NAALAD2: variants seen among roughly 807,000 people sequenced by gnomAD.
NAALAD2 encodes the protein N-acetylated alpha-linked acidic dipeptidase 2, also known as N-acetylated-alpha-linked acidic dipeptidase 2.
In NAALAD2, 89 loss-of-function variants were observed where a neutral mutation model predicts 95.6. The ratio of observed to expected loss-of-function variants is 0.93; its 90% CI spans 0.78 to 1.11. NAALAD2 has a LOEUF of 1.11. NAALAD2 is among the 50% of genes least tolerant of loss of function. The pLI is 0.00. For synonymous variants in NAALAD2, 264 were observed against 294.4 expected, an observed-to-expected ratio of 0.90 and a Z score of 1.06; for missense variants, 894 against 872.4, an observed-to-expected ratio of 1.02 and a Z score of -0.31.
intron 16 of NAALAD2, among the ~76,000 whole-genome samples, chr11:90,178,587 C>T (rs1011951060): frequency 6.6e-6 from 1 of 151,554 alleles, no homozygotes; most frequent in Non-Finnish European, 1.5e-5. Flanking sequence ...AGGAGAATGG[C>T]GTGAACCTGG....
intron 3 of NAALAD2, among the ~76,000 whole-genome samples, chr11:90,148,124 G>A (rs528247493): frequency 3.9e-5 from 6 of 152,286 alleles, no homozygotes; most frequent in African/African-American, 1.4e-4. Flanking sequence ...CCAATGACAA[G>A]TCCTGAGCAG....
intron 2 of NAALAD2, among the ~76,000 whole-genome samples, chr11:90,139,141 A>C (rs1386496266): frequency 6.6e-6 from 1 of 152,136 alleles, no homozygotes; most frequent in Non-Finnish European, 1.5e-5. Flanking sequence ...TTTAAAAGGC[A>C]ATCCCTTCCT....
At position 90,188,518 on chromosome 11, in the gene NAALAD2, G is replaced by A. The variant is rs188664913; in HGVS notation, c.2034-3040G>A. ...CAAGATCAGTGTCAACCAATTCAAT[G>A]TTTTATGAGCACCTGTCCCATATAT... On this transcript the variant is annotated intron_variant, in intron 18 of 18. Transcript: ENST00000534061. 2.3e-3 allele frequency among the ~76,000 whole-genome samples: 355 copies of A among 152,246 alleles called. 5 individuals are homozygous for A. The South Asian group carries it at 0.025, about 11-fold the overall frequency.
At chr11:90,181,206 T>C (rs1952957556) in intron 16 of NAALAD2, among the ~76,000 whole-genome samples, 1 of 152,082 alleles carries the variant, frequency 6.6e-6, no homozygotes, top group Admixed American at 6.6e-5. Context: ...AACAAGATCT[T>C]AAATGCACTA....
rs118148271 is a variant in NAALAD2, at chr11:90,159,113, T to C, written c.891-126T>C. The stretch of plus-strand genomic sequence containing the variant: ...CCACAAAGGGCGGGCTTTTTGACAG[T>C]ACCTGGCACTTAGTAAATGACAAAT... On this transcript the variant is annotated intron_variant, in intron 7 of 18. Transcript: ENST00000534061. 4,898 of 743,682 alleles carry C rather than the reference T, an allele frequency of 6.6e-3. 57 individuals carry two copies. The highest frequency in any genetic ancestry group is 9.7e-3 in the Middle Eastern group (29 of 2,988). The allele number at this position is 743,682 out of a possible 1,614,324, so 46.1% of individuals were successfully genotyped here. A position where few individuals can be genotyped will look rare whatever the true frequency, so the allele number is the denominator to read the frequency against.
chr11:90,154,052 TC>T (rs1951960119), intron 6 of NAALAD2, among the ~76,000 whole-genome samples: 2 of 146,874 alleles, frequency 1.4e-5, no homozygotes, highest in African/African-American at 2.4e-5. Flanking sequence ...TCTCTCTCTC[TC>T]TGTCTCTCTC....
intron 6 of NAALAD2, among the ~76,000 whole-genome samples, chr11:90,154,997 ATGTG>A (rs201108584): frequency 0.16 from 10,635 of 66,016 alleles, 1,236 homozygotes; most frequent in African/African-American, 0.22. Context: ...CATAATATGT[ATGTG>A]TGTATATATT....
intron 4 of NAALAD2, 100 bp downstream of exon 4, chr11:90,149,207 C>T (rs1420601832): frequency 1.2e-5 from 7 of 584,034 alleles, no homozygotes; most frequent in Non-Finnish European, 2.1e-5. Context: ...GTGAATCATT[C>T]ATGCGGGTTC....
chr11:90,134,589 G>A, upstream of NAALAD2: 2 of 599,286 alleles, frequency 3.3e-6, no homozygotes, highest in Non-Finnish European at 5.9e-6. Flanking sequence ...CCCCCATCGA[G>A]GGCCCCTGGG....
intron 18 of NAALAD2, among the ~76,000 whole-genome samples, chr11:90,183,494 G>A (rs6483034): frequency 0.41 from 62,844 of 151,920 alleles, 13,345 homozygotes; most frequent in South Asian, 0.5. Flanking sequence ...AGTTTGTTCT[G>A]TTAAAGTCAA....
chr11:90,166,889 C>G (rs1027594313), intron 11 of NAALAD2, among the ~76,000 whole-genome samples: 3 of 151,696 alleles, frequency 2.0e-5, no homozygotes, highest in African/African-American at 7.3e-5. Context: ...GTGGCTCATG[C>G]CTGTAATCTC....
chr11:90,168,185 T>G (rs999125468), intron 11 of NAALAD2, among the ~76,000 whole-genome samples: 1 of 152,122 alleles, frequency 6.6e-6, no homozygotes. Flanking sequence ...CGTGAAGGTC[T>G]GCAGCTTCAC....
chr11:90,177,422 T>G (rs1310483858), intron 15 of NAALAD2, among the ~76,000 whole-genome samples: 4 of 151,762 alleles, frequency 2.6e-5, no homozygotes, highest in Non-Finnish European at 5.9e-5. Context: ...GGAGAAAATG[T>G]TCAAGGTGTA....
chr11:90,186,391 G>C (rs1203518226), intron 18 of NAALAD2, among the ~76,000 whole-genome samples: 2 of 152,082 alleles, frequency 1.3e-5, no homozygotes, highest in Non-Finnish European at 2.9e-5. Flanking sequence ...GTATTCCATG[G>C]TGTATATGTG....
At chr11:90,133,398 G>C (rs1285619933), upstream of NAALAD2, among the ~76,000 whole-genome samples, 1 of 152,076 alleles carries the variant, frequency 6.6e-6, no homozygotes, top group African/African-American at 2.4e-5. Flanking sequence ...GAGGACAGGG[G>C]AATGACAGGG....
intron 16 of NAALAD2, among the ~76,000 whole-genome samples, chr11:90,180,809 A>G (rs1952942169): frequency 6.6e-6 from 1 of 152,086 alleles, no homozygotes; most frequent in African/African-American, 2.4e-5. Flanking sequence ...AATATTCAGA[A>G]AAAAAAACCC....
chr11:90,165,109 T>C (rs1021639783), intron 11 of NAALAD2, among the ~76,000 whole-genome samples: 3 of 152,212 alleles, frequency 2.0e-5, no homozygotes, highest in South Asian at 2.1e-4. Context: ...CCAAGAATAA[T>C]GGTCTTCATC....
chr11:90,190,608 G>A (rs1857294828), intron 18 of NAALAD2, among the ~76,000 whole-genome samples: 1 of 151,962 alleles, frequency 6.6e-6, no homozygotes, highest in African/African-American at 2.4e-5. Context: ...CTAATTTCTT[G>A]ACTCATATAC....
In NAALAD2 at chr11:90,154,051, C is replaced by G. The variant is rs201169639; in HGVS notation, c.796+1567C>G. On this transcript the variant is annotated intron_variant, in intron 6 of 18. Transcript: ENST00000534061. ...CCTTCCTCTCTCTCTCTCTCTCTCT[C>G]TCTGTCTCTCTCTCTCTTTCTTTCT... is the stretch of plus-strand genomic sequence containing the variant. Among the ~76,000 whole-genome samples the G allele has an allele frequency of 1.9e-3, 267 of 142,912 alleles. 3 individuals are homozygous for G. Among genetic ancestry groups the G allele is most frequent in the African/African-American group, 6.0e-3 (239 of 39,880 alleles). 93.8% of individuals were successfully genotyped at this position (142,912 alleles called of 152,430 possible).
Sources: allele counts gnomAD v4.1 joint callset (sites outside exome capture counted in the v4.1 genomes callset), GRCh38; gene constraint gnomAD v4.1.1; transcripts MANE v1.5; gene names NCBI Gene and HGNC (gene_info 2026-07-23, HGNC 2026-07-21).